Variants in SLC25A13 observed in about 807,000 individuals in gnomAD.
The protein encoded by SLC25A13 is solute carrier family 25 member 13, also known as electrogenic aspartate/glutamate antiporter SLC25A13, mitochondrial.
Under a neutral mutation model 85.5 loss-of-function variants are expected in SLC25A13, and 70 were observed. The observed-to-expected ratio is 0.82, with a 90% CI of 0.68 to 1.00. The LOEUF is 1.00. Among genes scored for constraint, SLC25A13 ranks in the 50% least tolerant of loss-of-function variants. The pLI is 0.00. For missense variants in SLC25A13, 765 were observed against 819.8 expected, an observed-to-expected ratio of 0.93 and a Z score of 0.82; for synonymous variants, 259 against 288.7, an observed-to-expected ratio of 0.90 and a Z score of 1.04.
At chr7:96,303,830 C>T (rs2117010128) in intron 1 of SLC25A13, among the ~76,000 whole-genome samples, 1 of 152,124 alleles carries the variant, frequency 6.6e-6, no homozygotes, top group Non-Finnish European at 1.5e-5. Flanking sequence ...TGGTGGCCTG[C>T]TCTGCTTGAG....
intron 4 of SLC25A13, among the ~76,000 whole-genome samples, chr7:96,226,892 G>A (rs1303113817): frequency 6.6e-6 from 1 of 151,800 alleles, no homozygotes; most frequent in African/African-American, 2.4e-5. Flanking sequence ...TACCCTGCTT[G>A]TCTTCCACCA....
intron 3 of SLC25A13, among the ~76,000 whole-genome samples, chr7:96,249,879 C>CA (rs11368398): frequency 0.62 from 68,751 of 111,430 alleles, 19,890 homozygotes; most frequent in Non-Finnish European, 0.69. Flanking sequence ...CTTAACTTAG[C>CA]AAAAAAAAAA....
At chr7:96,172,564 A>C (rs936063722) in intron 11 of SLC25A13, among the ~76,000 whole-genome samples, 7 of 151,970 alleles carry the variant, frequency 4.6e-5, no homozygotes, top group African/African-American at 1.7e-4. Context: ...CTCAAAAAAA[A>C]AAAAAGATCA....
intron 2 of SLC25A13, among the ~76,000 whole-genome samples, chr7:96,288,405 C>T (rs1356131199): frequency 6.6e-6 from 1 of 152,178 alleles, no homozygotes; most frequent in East Asian, 1.9e-4. Context: ...CTCACTGGGG[C>T]TCATTGGACA....
Position 96,322,084 on chromosome 7 carries a change from G to T in SLC25A13, c.-128C>A. 1 of 1,299,300 alleles carries T rather than the reference G, an allele frequency of 7.7e-7. No homozygotes were observed. Among genetic ancestry groups the T allele is most frequent in the Non-Finnish European group, 1.1e-6 (1 of 940,258 alleles). The allele number at this position is 1,299,300 out of a possible 1,614,324, so 80.5% of individuals were successfully genotyped here. A position where few individuals can be genotyped will look rare whatever the true frequency, so the allele number is the denominator to read the frequency against. The stretch of plus-strand genomic sequence containing the variant: ...GCGGCGATACGGCCAGGCAGCGTGC[G>T]TTCCTGGCCTGCCTCCCCACGCCCT... On this transcript the variant is annotated 5_prime_UTR_variant, in exon 1 of 18. Coordinates refer to ENST00000265631, the MANE Select transcript of SLC25A13 (RefSeq NM_014251.3).
At chr7:96,208,813 T>C (rs765795157) in intron 5 of SLC25A13, 25 bp downstream of exon 5, 4 of 1,613,566 alleles carry the variant, frequency 2.5e-6, no homozygotes, top group Admixed American at 1.7e-5. Context: ...CCATACCCTT[T>C]TAACTTTTTA....
intron 15 of SLC25A13, among the ~76,000 whole-genome samples, chr7:96,130,176 T>G (rs1246656083): frequency 2.6e-5 from 4 of 152,162 alleles, no homozygotes; most frequent in Non-Finnish European, 5.9e-5. Context: ...CAGAATCGTT[T>G]CTGGGTACCT....
intron 6 of SLC25A13, 137 bp downstream of exon 6, chr7:96,192,895 TTTGAG>T: frequency 1.1e-6 from 1 of 918,588 alleles, no homozygotes; most frequent in Non-Finnish European, 1.7e-6. Context: ...ACACTCTTTG[TTTGAG>T]TTTAGTAATG....
chr7:96,218,441 C>G (rs1161792952), intron 4 of SLC25A13, among the ~76,000 whole-genome samples: 2 of 152,232 alleles, frequency 1.3e-5, no homozygotes, highest in African/African-American at 4.8e-5. Context: ...AGTGGTTAGA[C>G]TGAATTTGTT....
chr7:96,128,308 G>A (rs1791817081), intron 15 of SLC25A13, among the ~76,000 whole-genome samples: 1 of 151,924 alleles, frequency 6.6e-6, no homozygotes, highest in African/African-American at 2.4e-5. Context: ...TTACCATGCT[G>A]ACTGGAACCT....
At chr7:96,141,302 C>T (rs868250116) in intron 14 of SLC25A13, among the ~76,000 whole-genome samples, 3 of 152,154 alleles carry the variant, frequency 2.0e-5, no homozygotes, top group Admixed American at 6.5e-5. Context: ...AGATTACAGA[C>T]GTAAGGCACC....
At position 96,279,349 on chromosome 7, in the gene SLC25A13, T is replaced by G. The variant is rs968007098; in HGVS notation, c.70-2011A>C. On this transcript the variant is annotated intron_variant, in intron 2 of 17. Coordinates refer to ENST00000265631, the MANE Select transcript of SLC25A13 (RefSeq NM_014251.3). ...AGACACTAGCTGTATTAGTCTGTTC[T>G]TACACTGCTAATAAAGACATACCTG... Among the ~76,000 whole-genome samples the G allele has an allele frequency of 5.3e-5, 8 of 152,342 alleles. No homozygotes were observed. The South Asian group carries it at 1.7e-3, about 32-fold the overall frequency.
Position 96,194,737 on chromosome 7 carries a change from C to T in SLC25A13, c.469-1554G>A, listed in dbSNP as rs141116259. Among the ~76,000 whole-genome samples the T allele has an allele frequency of 8.1e-4, 124 of 152,190 alleles. 3 individuals carry two copies. In the South Asian group the frequency reaches 0.014, roughly 17 times the overall value. On this transcript the variant is annotated intron_variant, in intron 5 of 17. Coordinates refer to ENST00000265631, the MANE Select transcript of SLC25A13 (RefSeq NM_014251.3). ...AGAAGAAATACAGTATTTGCAATAA[C>T]GGAAGCCAAATAGCAGTTGCATGAT...
chr7:96,239,742 C>T (rs1317848957), intron 3 of SLC25A13, among the ~76,000 whole-genome samples: 2 of 152,138 alleles, frequency 1.3e-5, no homozygotes, highest in African/African-American at 4.8e-5. Context: ...AGGTTTCTAA[C>T]TACTCTATTT....
At chr7:96,201,056 T>A (rs1028072241) in intron 5 of SLC25A13, among the ~76,000 whole-genome samples, 1 of 152,180 alleles carries the variant, frequency 6.6e-6, no homozygotes, top group Non-Finnish European at 1.5e-5. Context: ...ACAACACTAA[T>A]GTGCTCTACT....
intron 14 of SLC25A13, among the ~76,000 whole-genome samples, chr7:96,142,814 GAATA>G (rs768475996): frequency 1.3e-5 from 2 of 152,028 alleles, no homozygotes; most frequent in African/African-American, 4.8e-5. Context: ...ATAACTGGCA[GAATA>G]AATAAGAATG....
chr7:96,263,026 GAAAAAAAA>G (rs5885951), intron 3 of SLC25A13, among the ~76,000 whole-genome samples: 1 of 133,282 alleles, frequency 7.5e-6, no homozygotes, highest in Non-Finnish European at 1.6e-5. Flanking sequence ...AACCATCTAG[GAAAAAAAA>G]AAAAAAAAAA....
chr7:96,206,040 G>T (rs1795448555), intron 5 of SLC25A13, among the ~76,000 whole-genome samples: 1 of 152,104 alleles, frequency 6.6e-6, no homozygotes, highest in African/African-American at 2.4e-5. Flanking sequence ...GTGCTGGCCG[G>T]AACCAACCTG....
chr7:96,322,082 G>A lies in SLC25A13; in HGVS notation c.-126C>T. On this transcript the variant is annotated 5_prime_UTR_variant, in exon 1 of 18. Transcript: ENST00000265631. ...GGGCGGCGATACGGCCAGGCAGCGT[G>A]CGTTCCTGGCCTGCCTCCCCACGCC... 7.6e-7 allele frequency: 1 copy of A among 1,318,832 alleles called. No homozygotes were observed. Among genetic ancestry groups the A allele is most frequent in the Non-Finnish European group, 1.0e-6 (1 of 956,462 alleles). The allele number at this position is 1,318,832 out of a possible 1,614,324, so 81.7% of individuals were successfully genotyped here.
Sources: allele counts gnomAD v4.1 joint callset (sites outside exome capture counted in the v4.1 genomes callset), GRCh38; gene constraint gnomAD v4.1.1; transcripts MANE v1.5; gene names NCBI Gene and HGNC (gene_info 2026-07-23, HGNC 2026-07-21).